CTNNA2: variants seen among roughly 807,000 people sequenced by gnomAD.
CTNNA2 encodes the protein catenin alpha-2.
Under a neutral mutation model 101.0 loss-of-function variants are expected in CTNNA2, and 42 were observed. The observed-to-expected ratio is 0.42, with a 90% CI of 0.32 to 0.54. The LOEUF (loss-of-function observed/expected upper bound fraction) is 0.54, where lower values mean the gene tolerates loss of function less well. CTNNA2 is among the 20% of genes least tolerant of loss of function. The pLI, the probability that CTNNA2 is intolerant of heterozygous loss-of-function variation, is 0.14. For missense variants in CTNNA2, 871 were observed against 1,223.1 expected, an observed-to-expected ratio of 0.71 and a Z score of 4.29; for synonymous variants, 450 against 456.4, an observed-to-expected ratio of 0.99 and a Z score of 0.18.
intron 2 of CTNNA2, among the ~76,000 whole-genome samples, chr2:79,310,367 ATT>A (rs59359465): frequency 0.086 from 13,052 of 152,244 alleles, 609 homozygotes; most frequent in African/African-American, 0.1. Flanking sequence ...TAAATTTTTC[ATT>A]AAGACCTTTC....
intron 7 of CTNNA2, among the ~76,000 whole-genome samples, chr2:80,047,881 C>T (rs1245239298): frequency 2.0e-5 from 3 of 152,136 alleles, no homozygotes; most frequent in East Asian, 3.9e-4. Flanking sequence ...GATGCAGGAG[C>T]GTGAGCAATC....
intron 1 of CTNNA2, among the ~76,000 whole-genome samples, chr2:79,570,825 C>T (rs983428243): frequency 6.6e-6 from 1 of 151,994 alleles, no homozygotes; most frequent in Non-Finnish European, 1.5e-5. Context: ...AAATGTCATA[C>T]AGAGTTACAA....
chr2:79,290,099 C>A (rs1204716340), intron 2 of CTNNA2, among the ~76,000 whole-genome samples: 2 of 152,106 alleles, frequency 1.3e-5, no homozygotes, highest in Non-Finnish European at 2.9e-5. Flanking sequence ...GTGAGAGACT[C>A]CTTAAAGTTT....
intron 9 of CTNNA2, among the ~76,000 whole-genome samples, chr2:80,503,654 T>C (rs1384657933): frequency 2.0e-5 from 3 of 152,096 alleles, no homozygotes; most frequent in African/African-American, 4.8e-5. Flanking sequence ...TGGAGCTTGA[T>C]TAATATTGTT....
At chr2:80,087,934 G>A (rs1699550645) in intron 7 of CTNNA2, among the ~76,000 whole-genome samples, 1 of 151,822 alleles carries the variant, frequency 6.6e-6, no homozygotes, top group African/African-American at 2.4e-5. Flanking sequence ...AAATAGTCCT[G>A]AAGTCTTAAC....
At chr2:79,321,622 G>T (rs1410505364) in intron 3 of CTNNA2, among the ~76,000 whole-genome samples, 1 of 152,062 alleles carries the variant, frequency 6.6e-6, no homozygotes, top group African/African-American at 2.4e-5. Context: ...TTTGATGAAG[G>T]TCCTGTGAAA....
At chr2:79,906,350 C>A (rs1396741697) in intron 6 of CTNNA2, among the ~76,000 whole-genome samples, 3 of 152,094 alleles carry the variant, frequency 2.0e-5, no homozygotes, top group Non-Finnish European at 2.9e-5. Flanking sequence ...TCTTCCCGTG[C>A]ACATGTGCAT....
chr2:79,990,018 A>G (rs1692055379), intron 7 of CTNNA2, among the ~76,000 whole-genome samples: 1 of 152,204 alleles, frequency 6.6e-6, no homozygotes, highest in Non-Finnish European at 1.5e-5. Context: ...ATGAGGATAG[A>G]CCCTAAGAAT....
At chr2:80,429,595 T>C (rs1177619317) in intron 9 of CTNNA2, among the ~76,000 whole-genome samples, 1 of 152,240 alleles carries the variant, frequency 6.6e-6, no homozygotes, top group Non-Finnish European at 1.5e-5. Context: ...GGCGTAATTG[T>C]ATAGGCATTA....
At chr2:79,211,663 G>A (rs924857805) in intron 2 of CTNNA2, among the ~76,000 whole-genome samples, 1 of 152,158 alleles carries the variant, frequency 6.6e-6, no homozygotes, top group Non-Finnish European at 1.5e-5. Flanking sequence ...TTTTGTGGTG[G>A]AATGTCATCA....
At chr2:79,820,632 T>G (rs1677926808) in intron 3 of CTNNA2, among the ~76,000 whole-genome samples, 1 of 152,182 alleles carries the variant, frequency 6.6e-6, no homozygotes, top group Admixed American at 6.5e-5. Context: ...TCACATAATT[T>G]TATTGAAAAG....
At chr2:80,292,908 T>A (rs1214229742) in intron 7 of CTNNA2, among the ~76,000 whole-genome samples, 3 of 152,178 alleles carry the variant, frequency 2.0e-5, no homozygotes, top group Non-Finnish European at 1.5e-5. Context: ...TGTTTGCTCT[T>A]TTTTTTGTAC....
At chr2:79,815,804 T>C (rs956338793) in intron 3 of CTNNA2, among the ~76,000 whole-genome samples, 1 of 151,704 alleles carries the variant, frequency 6.6e-6, no homozygotes, top group African/African-American at 2.4e-5. Flanking sequence ...AGAATGATGG[T>C]GGTATTTTGA....
chr2:79,382,948 G>A (rs955765187), intron 4 of CTNNA2, among the ~76,000 whole-genome samples: 2 of 152,292 alleles, frequency 1.3e-5, no homozygotes, highest in Admixed American at 6.5e-5. Flanking sequence ...GTCTTATCTC[G>A]GAGTATTTAA....
chr2:80,359,772 T>C (rs6758746), intron 7 of CTNNA2, among the ~76,000 whole-genome samples: 59,967 of 152,004 alleles, frequency 0.39, 14,546 homozygotes, highest in African/African-American at 0.69. Context: ...TGGACTAATA[T>C]GCTGTCTTAA....
chr2:80,259,291 G>A (rs1672414452), intron 7 of CTNNA2, among the ~76,000 whole-genome samples: 1 of 152,136 alleles, frequency 6.6e-6, no homozygotes, highest in African/African-American at 2.4e-5. Flanking sequence ...CTGAATGTCA[G>A]GGTTTTGAGA....
chr2:80,007,042 A>G (rs1693420880), intron 7 of CTNNA2, among the ~76,000 whole-genome samples: 1 of 152,146 alleles, frequency 6.6e-6, no homozygotes, highest in South Asian at 2.1e-4. Flanking sequence ...GTAATTCTCT[A>G]AATGTGGATT....
intron 7 of CTNNA2, among the ~76,000 whole-genome samples, chr2:80,331,050 C>A (rs938281424): frequency 8.1e-5 from 12 of 147,858 alleles, no homozygotes; most frequent in African/African-American, 3.0e-4. Context: ...CCTTCCCCGG[C>A]TGCATCCACT....
intron 2 of CTNNA2, among the ~76,000 whole-genome samples, chr2:79,287,936 G>T (rs1484609170): frequency 6.6e-6 from 1 of 152,254 alleles, no homozygotes; most frequent in Admixed American, 6.5e-5. Context: ...CCAGGTGCGG[G>T]ATATAATCTC....
Sources: gnomAD v4.1 joint callset for allele counts (sites outside exome capture counted in the v4.1 genomes callset) on GRCh38, gnomAD v4.1.1 for gene constraint, MANE v1.5 for transcripts, NCBI Gene and HGNC (gene_info 2026-07-23, HGNC 2026-07-21) for gene names.